The following ANXA8 variants were observed in gnomAD, a reference collection of about 807,000 sequenced individuals.
ANXA8 encodes the protein annexin A8, also known as VAC-beta.
ANXA8 carries 9 observed loss-of-function variants against 26.8 expected under a neutral mutation model. The observed-to-expected ratio is 0.34, with a 90% CI of 0.20 to 0.59. The LOEUF (loss-of-function observed/expected upper bound fraction) is 0.59, where lower values mean the gene tolerates loss of function less well. Ranked by LOEUF, ANXA8 falls within the 20% of genes least tolerant of loss-of-function variation. The pLI is 0.84. For synonymous variants in ANXA8, 39 were observed against 94.8 expected (o/e 0.41, Z 3.42); for missense variants, 83 against 238.5 (o/e 0.35, Z 4.29).
At chr10:47,688,010 G>T in the ANXA8 span, among the ~76,000 whole-genome samples, 2 of 151,820 alleles carry the variant, frequency 1.3e-5, no homozygotes, top group Non-Finnish European at 2.9e-5. Context: ...TGAGACAGGA[G>T]AATTGCTTGA....
the ANXA8 span, among the ~76,000 whole-genome samples, chr10:47,506,519 C>T: frequency 5.0e-5 from 7 of 140,332 alleles, 1 homozygote; most frequent in East Asian, 2.9e-4. Context: ...TCAGTAGAGG[C>T]GGGTTTTACC....
the ANXA8 span, among the ~76,000 whole-genome samples, chr10:47,597,710 G>A: frequency 1.6e-5 from 2 of 122,092 alleles, no homozygotes; most frequent in Non-Finnish European, 3.3e-5. Context: ...TATCCAAGGA[G>A]GTAAAAGATC....
the ANXA8 span, among the ~76,000 whole-genome samples, chr10:47,580,785 A>C: frequency 8.0e-5 from 12 of 149,276 alleles, no homozygotes; most frequent in African/African-American, 2.5e-4. Context: ...AACAAACAAA[A>C]AAAAACAGGC....
chr10:47,741,756 A>G, the ANXA8 span, among the ~76,000 whole-genome samples: 1 of 151,364 alleles, frequency 6.6e-6, no homozygotes, highest in Non-Finnish European at 1.5e-5. Flanking sequence ...TCCAATAACC[A>G]TCGAATTATA....
the ANXA8 span, among the ~76,000 whole-genome samples, chr10:47,503,751 C>G: frequency 7.6e-6 from 1 of 131,100 alleles, no homozygotes; most frequent in Admixed American, 7.7e-5. Flanking sequence ...TGGTGAAACC[C>G]TGTCTTTACA....
the ANXA8 span, among the ~76,000 whole-genome samples, chr10:47,646,646 C>G: frequency 1.3e-5 from 2 of 151,766 alleles, no homozygotes; most frequent in Non-Finnish European, 2.9e-5. Context: ...TTAGACTGAT[C>G]AATAATCCTA....
At chr10:47,756,742 G>A in the ANXA8 span, among the ~76,000 whole-genome samples, 4 of 152,254 alleles carry the variant, frequency 2.6e-5, no homozygotes, top group African/African-American at 9.6e-5. Flanking sequence ...TGGGACATGT[G>A]GGGTGAACCA....
chr10:47,743,402 G>GA, the ANXA8 span, among the ~76,000 whole-genome samples: 4 of 108,600 alleles, frequency 3.7e-5, no homozygotes, highest in East Asian at 3.4e-4. Flanking sequence ...GTGTGTGTGT[G>GA]TGTGAGAGAG....
chr10:47,648,970 G>A, the ANXA8 span, among the ~76,000 whole-genome samples: 2 of 83,602 alleles, frequency 2.4e-5, no homozygotes, highest in Non-Finnish European at 4.4e-5. Context: ...TACTTTATAA[G>A]ATTAATATAT....
At chr10:47,743,054 C>T in the ANXA8 span, among the ~76,000 whole-genome samples, 1 of 143,478 alleles carries the variant, frequency 7.0e-6, no homozygotes, top group African/African-American at 2.6e-5. Flanking sequence ...GCCTGTAGTC[C>T]CAGCTACTCG....
At chr10:47,720,787 A>G in the ANXA8 span, among the ~76,000 whole-genome samples, 1 of 140,222 alleles carries the variant, frequency 7.1e-6, no homozygotes, top group Non-Finnish European at 1.5e-5. Context: ...TATGTTTGTT[A>G]TAAATAAGTG....
At chr10:47,756,531 C>T in the ANXA8 span, among the ~76,000 whole-genome samples, 1 of 136,672 alleles carries the variant, frequency 7.3e-6, no homozygotes, top group Admixed American at 7.3e-5. Flanking sequence ...TGGGGGGCTG[C>T]TCACTGGGCC....
chr10:47,615,471 C>T, the ANXA8 span, among the ~76,000 whole-genome samples: 3 of 73,342 alleles, frequency 4.1e-5, 1 homozygote, highest in African/African-American at 1.2e-4. Flanking sequence ...GGGAAGACAT[C>T]GATCCCACAC....
At chr10:47,513,668 G>T in the ANXA8 span, among the ~76,000 whole-genome samples, 3 of 139,672 alleles carry the variant, frequency 2.1e-5, 1 homozygote, top group Non-Finnish European at 4.7e-5. Flanking sequence ...AAAATAGCAC[G>T]GTACTGATAT....
chr10:47,900,872 A>G, the ANXA8 span, among the ~76,000 whole-genome samples: 1 of 151,348 alleles, frequency 6.6e-6, no homozygotes. Flanking sequence ...GAAAACTAGT[A>G]CCTTGAGAAA....
At chr10:47,959,196 A>G in the ANXA8 span, among the ~76,000 whole-genome samples, 2 of 146,676 alleles carry the variant, frequency 1.4e-5, no homozygotes, top group African/African-American at 2.7e-5. Context: ...TAGAGACTGG[A>G]AAAGGAGGCC....
the ANXA8 span, among the ~76,000 whole-genome samples, chr10:47,695,359 G>A: frequency 6.6e-6 from 1 of 150,606 alleles, no homozygotes; most frequent in Non-Finnish European, 1.5e-5. Flanking sequence ...GTGGGGCATG[G>A]GCACATTTAA....
the ANXA8 span, among the ~76,000 whole-genome samples, chr10:47,535,044 G>A: frequency 1.8e-5 from 2 of 110,578 alleles, no homozygotes; most frequent in Non-Finnish European, 3.4e-5. Context: ...GTATGATCTC[G>A]GCTCACTGCA....
chr10:47,588,745 T>C, the ANXA8 span: 1 of 145,752 alleles, frequency 6.9e-6, no homozygotes, highest in East Asian at 1.9e-4. Context: ...ACAGAGGTCT[T>C]GGTTAGTTAA....
Sources: gnomAD v4.1 joint callset for allele counts (sites outside exome capture counted in the v4.1 genomes callset) on GRCh38, gnomAD v4.1.1 for gene constraint, MANE v1.5 for transcripts, NCBI Gene and HGNC (gene_info 2026-07-23, HGNC 2026-07-21) for gene names.